Variants in GMDS observed in about 807,000 individuals in gnomAD.
GMDS encodes GDP-mannose 4,6 dehydratase.
GMDS carries 20 observed loss-of-function variants against 49.9 expected under a neutral mutation model. The ratio of observed to expected loss-of-function variants is 0.40; its 90% confidence interval spans 0.28 to 0.58. The LOEUF is 0.58. GMDS is among the 20% of genes least tolerant of loss of function. The pLI is 0.42. For synonymous variants in GMDS, 177 were observed against 178.6 expected, an observed-to-expected ratio of 0.99 and a Z score of 0.07; for missense variants, 362 against 481.4, an observed-to-expected ratio of 0.75 and a Z score of 2.32.
chr6:2,192,325 C>T (rs1298305780), intron 1 of GMDS, among the ~76,000 whole-genome samples: 1 of 151,832 alleles, frequency 6.6e-6, no homozygotes, highest in African/African-American at 2.4e-5. Flanking sequence ...TTCTATTACT[C>T]AATAAAGCTC....
rs117884523 is a variant in GMDS at position 2,153,846 on chromosome 6, C to T, written c.103-29115G>A. Among the ~76,000 whole-genome samples the T allele has an allele frequency of 9.9e-4, 150 of 152,174 alleles. 2 individuals carry two copies. In the East Asian group the frequency reaches 0.026, roughly 26 times the overall value. The stretch of plus-strand genomic sequence containing the variant: ...TATACATGTGCAAGAACAAGAATGT[C>T]TATTCCAGCAAAAGGCAGAACTGTA... On this transcript the variant is annotated intron_variant, in intron 1 of 10. Transcript: ENST00000380815.
chr6:2,060,423 C>T (rs948357466), intron 4 of GMDS, among the ~76,000 whole-genome samples: 1 of 152,094 alleles, frequency 6.6e-6, no homozygotes, highest in African/African-American at 2.4e-5. Flanking sequence ...CTTTGAAGTG[C>T]TGTGATTACA....
chr6:2,203,940 T>C (rs1035194985), intron 1 of GMDS, among the ~76,000 whole-genome samples: 1 of 152,206 alleles, frequency 6.6e-6, no homozygotes, highest in Non-Finnish European at 1.5e-5. Context: ...TTTTCCTTAA[T>C]TGAGGGTGGG....
At chr6:2,063,354 T>C (rs967669458) in intron 4 of GMDS, among the ~76,000 whole-genome samples, 1 of 152,200 alleles carries the variant, frequency 6.6e-6, no homozygotes, top group Non-Finnish European at 1.5e-5. Flanking sequence ...AACGGTAAGA[T>C]CTGTTGTATT....
chr6:1,846,560 G>A (rs1490262519), intron 7 of GMDS, among the ~76,000 whole-genome samples: 1 of 152,172 alleles, frequency 6.6e-6, no homozygotes, highest in Non-Finnish European at 1.5e-5. Context: ...AGGCTGGCAG[G>A]GACAGGGAAA....
At chr6:2,035,062 C>T (rs1216507809) in intron 4 of GMDS, among the ~76,000 whole-genome samples, 1 of 152,168 alleles carries the variant, frequency 6.6e-6, no homozygotes, top group African/African-American at 2.4e-5. Context: ...ATGATTTAAG[C>T]TGTTTTCAGG....
intron 4 of GMDS, among the ~76,000 whole-genome samples, chr6:2,110,220 A>G (rs752743289): frequency 4.1e-5 from 6 of 146,378 alleles, no homozygotes; most frequent in Non-Finnish European, 6.0e-5. Context: ...CAATTCTCCC[A>G]ATGTATTTGT....
At chr6:2,155,117 C>T (rs1237560437) in intron 1 of GMDS, among the ~76,000 whole-genome samples, 4 of 151,926 alleles carry the variant, frequency 2.6e-5, no homozygotes, top group Non-Finnish European at 4.4e-5. Flanking sequence ...TGATAAATGT[C>T]GACCACTTCA....
At chr6:1,715,615 A>C (rs79829183) in intron 9 of GMDS, among the ~76,000 whole-genome samples, 4,196 of 152,324 alleles carry the variant, frequency 0.028, 143 homozygotes, top group Admixed American at 0.085. Context: ...CAGTTTTTTC[A>C]ACATGCCTAT....
chr6:2,194,318 A>G (rs1296656090), intron 1 of GMDS, among the ~76,000 whole-genome samples: 1 of 152,262 alleles, frequency 6.6e-6, no homozygotes, highest in Non-Finnish European at 1.5e-5. Context: ...AAATGGCATT[A>G]TAATATTCAC....
At chr6:2,240,037 C>T (rs775066776) in intron 1 of GMDS, among the ~76,000 whole-genome samples, 1 of 152,196 alleles carries the variant, frequency 6.6e-6, no homozygotes, top group Non-Finnish European at 1.5e-5. Context: ...CTGCAAATCC[C>T]AGCAAGGAAG....
chr6:2,200,139 G>C (rs1337498096), intron 1 of GMDS, among the ~76,000 whole-genome samples: 2 of 152,162 alleles, frequency 1.3e-5, no homozygotes, highest in Non-Finnish European at 2.9e-5. Context: ...GACTCCAGCA[G>C]TAAACAGAAC....
chr6:2,097,568 G>A (rs1460796849), intron 4 of GMDS, among the ~76,000 whole-genome samples: 1 of 152,098 alleles, frequency 6.6e-6, no homozygotes, highest in Non-Finnish European at 1.5e-5. Flanking sequence ...ACATGCTAGT[G>A]GCCCTTGACA....
chr6:1,697,295 G>A (rs949992440), intron 9 of GMDS, among the ~76,000 whole-genome samples: 3 of 152,148 alleles, frequency 2.0e-5, no homozygotes, highest in African/African-American at 4.8e-5. Flanking sequence ...GGCTTCCTCC[G>A]AGCCAGATAC....
At chr6:1,957,309 G>A (rs1763692994) in intron 6 of GMDS, among the ~76,000 whole-genome samples, 1 of 152,130 alleles carries the variant, frequency 6.6e-6, no homozygotes, top group African/African-American at 2.4e-5. Flanking sequence ...CTGGAAGCTG[G>A]AGATGTATGA....
chr6:2,087,465 T>C (rs1229016102), intron 4 of GMDS, among the ~76,000 whole-genome samples: 1 of 152,206 alleles, frequency 6.6e-6, no homozygotes, highest in African/African-American at 2.4e-5. Context: ...TCTTTGAGTA[T>C]TCATGAATTC....
intron 4 of GMDS, among the ~76,000 whole-genome samples, chr6:1,982,069 C>T (rs1345024569): frequency 1.3e-5 from 2 of 152,130 alleles, no homozygotes; most frequent in Admixed American, 6.5e-5. Flanking sequence ...CTTTGGGAGG[C>T]TGAGGCGGGT....
chr6:1,920,786 G>A (rs540997813), intron 7 of GMDS, among the ~76,000 whole-genome samples: 1 of 152,330 alleles, frequency 6.6e-6, no homozygotes, highest in South Asian at 2.1e-4. Flanking sequence ...AGGGAAAGAG[G>A]AAGGGCAGAA....
intron 9 of GMDS, among the ~76,000 whole-genome samples, chr6:1,634,662 G>GT (rs1763089370): frequency 6.6e-6 from 1 of 152,182 alleles, no homozygotes; most frequent in Non-Finnish European, 1.5e-5. Flanking sequence ...CCACAGTGGG[G>GT]TTTTAAGTGC....
Sources: gnomAD v4.1 joint callset for allele counts (sites outside exome capture counted in the v4.1 genomes callset) on GRCh38, gnomAD v4.1.1 for gene constraint, MANE v1.5 for transcripts, NCBI Gene and HGNC (gene_info 2026-07-23, HGNC 2026-07-21) for gene names.